Variants in MIER1 observed in about 807,000 individuals in gnomAD.
MIER1 encodes mesoderm induction early response protein 1.
In MIER1, 40 loss-of-function variants were observed where a neutral mutation model predicts 75.7. That is an observed-to-expected ratio of 0.53 (90% CI 0.41 to 0.69). The LOEUF is 0.69. Among genes scored for constraint, MIER1 ranks in the 30% least tolerant of loss-of-function variants. The pLI is 0.00. For missense variants in MIER1, 574 were observed against 680.2 expected, an observed-to-expected ratio of 0.84 and a Z score of 1.74; for synonymous variants, 213 against 223.4, an observed-to-expected ratio of 0.95 and a Z score of 0.42.
At chr1:66,934,612 A>G (rs1428437043) in intron 2 of MIER1, among the ~76,000 whole-genome samples, 5 of 144,786 alleles carry the variant, frequency 3.5e-5, no homozygotes, top group Non-Finnish European at 7.5e-5. Context: ...CGATATGTTG[A>G]TCAGACTGGT....
chr1:66,946,721 C>T, intron 4 of MIER1: 1 of 985,986 alleles, frequency 1.0e-6, no homozygotes, highest in Non-Finnish European at 1.2e-6. Context: ...ACATAAAGTG[C>T]TCTAGATTAT....
rs760177310 is a variant in MIER1 at position 66,958,175 on chromosome 1, A to C, written c.456A>C (p.Glu152Asp). 6.2e-7 allele frequency: 1 copy of C among 1,603,578 alleles called. No individual in the cohort carries two copies. Among genetic ancestry groups the C allele is most frequent in the South Asian group, 1.1e-5 (1 of 90,842 alleles). The change falls in exon 5 of 14, where the codon GAA becomes GAC. Residue 152 changes from glutamate (E) to aspartate (D), a missense_variant. Physicochemically the swap from Glu to Asp is conservative, Grantham distance 45. Coordinates refer to ENST00000401041, the MANE Select transcript of MIER1 (RefSeq NM_001077700.3). Reference sequence around the variant, plus strand: ...AGGAAGAAGAAGGTGAAGATGATGAAGATGCTGATAATGATGACAACAGTG... The same window carrying C: ...AGGAAGAAGAAGGTGAAGATGATGACGATGCTGATAATGATGACAACAGTG... ...EEEEEEGEDD[E>D]DADNDDNSGC...
rs2102169688 is a variant in MIER1, at chr1:66,986,742, T to A, written c.*1842T>A. ...AGTTTTGGGTGGAAGTGTTGAGAAG[T>A]ATGAGTTTTTTGTTGTTTTTGTTTT... is the stretch of plus-strand genomic sequence containing the variant. On this transcript the variant is annotated 3_prime_UTR_variant, in exon 14 of 14. Coordinates refer to ENST00000401041, the MANE Select transcript of MIER1 (RefSeq NM_001077700.3). 9.2e-6 allele frequency: 3 copies of A among 324,364 alleles called. No homozygotes were observed. Among genetic ancestry groups the A allele is most frequent in the Middle Eastern group, 8.4e-4 (1 of 1,194 alleles). 20.1% of individuals were successfully genotyped at this position (324,364 alleles called of 1,614,324 possible).
At chr1:66,943,145 A>C (rs4655661) in intron 3 of MIER1, among the ~76,000 whole-genome samples, 88,166 of 151,866 alleles carry the variant, frequency 0.58, 27,749 homozygotes, top group East Asian at 0.84. Context: ...CTGACTGACT[A>C]CTCAGTATCC....
At chr1:66,970,292 T>C (rs1663338336) in intron 8 of MIER1, among the ~76,000 whole-genome samples, 1 of 152,228 alleles carries the variant, frequency 6.6e-6, no homozygotes, top group Non-Finnish European at 1.5e-5. Context: ...AAGTAAAATT[T>C]ACTTCAAATC....
At position 66,948,203 on chromosome 1, in the gene MIER1, A is replaced by G. The variant is rs1273025869; in HGVS notation, c.339+1908A>G. Reference sequence around the variant, plus strand: ...AAAAGTATTGTATGAATGAATGGATATATCAGTCTGGTATGTTCTAATAAA... The same window carrying G: ...AAAAGTATTGTATGAATGAATGGATGTATCAGTCTGGTATGTTCTAATAAA... On this transcript the variant is annotated intron_variant, in intron 4 of 13. Transcript: ENST00000401041. 3 of 931,314 alleles carry G rather than the reference A, an allele frequency of 3.2e-6. No individual in the cohort carries two copies. In the African/African-American group the frequency reaches 5.3e-5, roughly 17 times the overall value. The allele number at this position is 931,314 out of a possible 1,614,324, so 57.7% of individuals were successfully genotyped here.
chr1:66,986,768 A>G lies in MIER1; in HGVS notation c.*1868A>G, dbSNP rs1294250975. On this transcript the variant is annotated 3_prime_UTR_variant, in exon 14 of 14. Transcript: ENST00000401041. ...ATGAGTTTTTTGTTGTTTTTGTTTTACTTAAAACTTTTAATTTATCCAGAA... is the reference window on the plus strand; with the variant it reads ...ATGAGTTTTTTGTTGTTTTTGTTTTGCTTAAAACTTTTAATTTATCCAGAA... 3.8e-6 allele frequency: 1 copy of G among 265,390 alleles called. No individual in the cohort carries two copies. Among genetic ancestry groups the G allele is most frequent in the South Asian group, 1.3e-4 (1 of 7,836 alleles). 16.4% of individuals were successfully genotyped at this position (265,390 alleles called of 1,614,324 possible).
At position 66,987,947 on chromosome 1, in the gene MIER1, AT is replaced by A. The variant is rs1273885428; in HGVS notation, c.*3050del. ...TGTTTCTCTTCTGCTGGATTATATA[AT>A]TTAAAAATAATGTGTTCCCGTATTT... On this transcript the variant is annotated 3_prime_UTR_variant, in exon 14 of 14. Transcript: ENST00000401041. 6.6e-6 allele frequency: 1 copy of A among 152,246 alleles called. No homozygotes were observed. Among genetic ancestry groups the A allele is most frequent in the Non-Finnish European group, 1.5e-5 (1 of 68,000 alleles). The allele number at this position is 152,246 out of a possible 1,614,324, so 9.4% of individuals were successfully genotyped here.
intron 4 of MIER1, among the ~76,000 whole-genome samples, chr1:66,955,426 C>T (rs1176985072): frequency 6.9e-6 from 1 of 145,652 alleles, no homozygotes; most frequent in Non-Finnish European, 1.5e-5. Context: ...TGAGGCTCAG[C>T]AGCCCATTTT....
At chr1:66,983,852 C>T (rs1393623806) in intron 13 of MIER1, among the ~76,000 whole-genome samples, 5 of 152,132 alleles carry the variant, frequency 3.3e-5, no homozygotes, top group Admixed American at 3.3e-4. Flanking sequence ...CTCAGCCTTC[C>T]GAGTAGCTGG....
chr1:66,960,187 A>T (rs1341008128), intron 7 of MIER1: 1 of 152,244 alleles, frequency 6.6e-6, no homozygotes, highest in Non-Finnish European at 1.5e-5. Flanking sequence ...TATGGAAAGC[A>T]TTTGTGGAGG....
At position 66,940,099 on chromosome 1, in the gene MIER1, G is replaced by T. The variant is rs1436562995; in HGVS notation, c.193+47G>T. 2.1e-6 allele frequency: 3 copies of T among 1,408,290 alleles called. No individual in the cohort carries two copies. The South Asian group carries it at 3.5e-5, about 16-fold the overall frequency. The allele number at this position is 1,408,290 out of a possible 1,614,324, so 87.2% of individuals were successfully genotyped here. On this transcript the variant is annotated intron_variant, in intron 3 of 13. Coordinates refer to ENST00000401041, the MANE Select transcript of MIER1 (RefSeq NM_001077700.3). ...TATAATCTCGATTTGAGTAACATTT[G>T]TCCTACTAGTTGCATAAAGACTAGA...
intron 2 of MIER1, among the ~76,000 whole-genome samples, chr1:66,936,741 C>T (rs1378895093): frequency 6.6e-6 from 1 of 151,850 alleles, no homozygotes; most frequent in East Asian, 1.9e-4. Flanking sequence ...TGGCTCACAT[C>T]TGTAATCCCA....
In MIER1 at chr1:66,958,842, A is replaced by G. The variant is rs894147033; in HGVS notation, c.502-9A>G. 6.3e-7 allele frequency: 1 copy of G among 1,589,170 alleles called. No homozygotes were observed. The highest frequency in any genetic ancestry group is 8.6e-7 in the Non-Finnish European group (1 of 1,165,776). On this transcript the variant is annotated splice_polypyrimidine_tract_variant and intron_variant, in intron 5 of 13. Transcript: ENST00000401041. ...ACATCTTAGAGAAATTTAATTTATT[A>G]TTCCACAGGAGGAGAATATAAAGGA... is the stretch of plus-strand genomic sequence containing the variant.
chr1:66,940,847 G>A (rs541717778), intron 3 of MIER1, among the ~76,000 whole-genome samples: 4 of 152,184 alleles, frequency 2.6e-5, no homozygotes, highest in Non-Finnish European at 5.9e-5. Context: ...TTTATCCTCA[G>A]TGTCCAGTGA....
At chr1:66,963,978 G>A (rs1390881040) in intron 8 of MIER1, among the ~76,000 whole-genome samples, 2 of 150,738 alleles carry the variant, frequency 1.3e-5, no homozygotes, top group African/African-American at 4.9e-5. Context: ...AACAACTTTT[G>A]TATACTTAAA....
chr1:66,930,073 T>C (rs1652728236), intron 2 of MIER1, among the ~76,000 whole-genome samples: 2 of 152,034 alleles, frequency 1.3e-5, no homozygotes, highest in African/African-American at 2.4e-5. Context: ...GTTGCCCACC[T>C]CCTCCCACAC....
chr1:66,930,457 C>T (rs1387575764), intron 2 of MIER1: 3 of 1,584,894 alleles, frequency 1.9e-6, no homozygotes, highest in Non-Finnish European at 1.7e-6. Context: ...GGCCCTGGGC[C>T]GGGGAGGAGT....
chr1:66,984,535 TC>T, intron 13 of MIER1, 36 bp from the exon 14 acceptor site: 1 of 1,476,260 alleles, frequency 6.8e-7, no homozygotes, highest in Non-Finnish European at 9.1e-7. Context: ...TTAACTTTTT[TC>T]TAATTGTGGT....
Sources: gnomAD v4.1 joint callset for allele counts (sites outside exome capture counted in the v4.1 genomes callset) on GRCh38, gnomAD v4.1.1 for gene constraint, MANE v1.5 for transcripts, NCBI Gene and HGNC (gene_info 2026-07-23, HGNC 2026-07-21) for gene names.